Variants in ATP2C1 observed in about 807,000 individuals in gnomAD.
ATP2C1 encodes the protein calcium-transporting ATPase type 2C member 1.
In ATP2C1, 31 loss-of-function variants were observed where a neutral mutation model predicts 120.5. The ratio of observed to expected loss-of-function variants is 0.26; its 90% confidence interval spans 0.19 to 0.35. The LOEUF is 0.35. ATP2C1 is among the 10% of genes least tolerant of loss of function. ATP2C1 has a pLI of 1.00. For synonymous variants in ATP2C1, 351 were observed against 358.7 expected (o/e 0.98, Z 0.24); for missense variants, 731 against 1,107.5 (o/e 0.66, Z 4.83).
intron 8 of ATP2C1, among the ~76,000 whole-genome samples, chr3:130,951,229 A>G (rs1276039099): frequency 1.3e-5 from 2 of 152,102 alleles, no homozygotes; most frequent in African/African-American, 2.4e-5. Flanking sequence ...AAAATTGGGG[A>G]GGAGAAATAA....
At chr3:130,851,184 TCTATCA>T (rs1290045951) in intron 1 of ATP2C1, among the ~76,000 whole-genome samples, 1 of 152,242 alleles carries the variant, frequency 6.6e-6, no homozygotes. Context: ...AAAGAGCTAC[TCTATCA>T]AAGTTAAATT....
At chr3:130,873,430 TATA>T in intron 1 of ATP2C1, among the ~76,000 whole-genome samples, 1 of 152,228 alleles carries the variant, frequency 6.6e-6, no homozygotes, top group Non-Finnish European at 1.5e-5. Flanking sequence ...AATTTAATTA[TATA>T]CAAATATGTA....
chr3:130,934,743 T>A, intron 5 of ATP2C1, 32 bp downstream of exon 5: 1 of 1,397,338 alleles, frequency 7.2e-7, no homozygotes, highest in Non-Finnish European at 1.0e-6. Flanking sequence ...TTTAATCTGT[T>A]GAGTAAGTGT....
chr3:130,988,748 G>A lies in ATP2C1; in HGVS notation c.1840-4203G>A, dbSNP rs117667548. Among the ~76,000 whole-genome samples, 81 of 152,312 alleles carry A rather than the reference G, an allele frequency of 5.3e-4. No homozygotes were observed. The East Asian group carries it at 0.014, about 26-fold the overall frequency. ...AGGCATAAGTAAAAGAACAGTAGAT[G>A]CAGCCAGTTCTAGGCAAGATTAGGC... is the stretch of plus-strand genomic sequence containing the variant. On this transcript the variant is annotated intron_variant, in intron 20 of 27. Transcript: ENST00000510168.
At position 130,965,011 on chromosome 3, in the gene ATP2C1, C is replaced by T; in HGVS notation, c.1088C>T (p.Thr363Ile). 6.2e-7 allele frequency: 1 copy of T among 1,611,810 alleles called. No homozygotes were observed. Among genetic ancestry groups the T allele is most frequent in the Non-Finnish European group, 8.5e-7 (1 of 1,178,448 alleles). ...GTLTKNEMTVTHIFTSDGLHA... is the reference protein window; with the variant it reads ...GTLTKNEMTVIHIFTSDGLHA... ...CTGACGAAGAATGAAATGACTGTTACTCACATATTTACTTCAGATGGTCTG... is the reference window on the plus strand; with the variant it reads ...CTGACGAAGAATGAAATGACTGTTATTCACATATTTACTTCAGATGGTCTG... Residue 363 changes from threonine to isoleucine, a missense_variant, in exon 14 of 28, where the codon ACT (threonine) becomes ATT (isoleucine). By Grantham distance (89) the Thr-to-Ile change is moderately conservative. This residue lies in a region of ATP2C1 where 571 missense variants were observed against 845.9 expected (regional missense o/e 0.67). Coordinates refer to ENST00000510168, the MANE Select transcript of ATP2C1 (RefSeq NM_001378687.1).
At chr3:130,870,415 T>C (rs2068394222) in intron 1 of ATP2C1, among the ~76,000 whole-genome samples, 1 of 152,218 alleles carries the variant, frequency 6.6e-6, no homozygotes, top group South Asian at 2.1e-4. Flanking sequence ...ACTGAAAACT[T>C]TCCAGAGAGG....
At chr3:130,907,470 C>A (rs1398040397) in intron 2 of ATP2C1, among the ~76,000 whole-genome samples, 1 of 152,030 alleles carries the variant, frequency 6.6e-6, no homozygotes, top group East Asian at 1.9e-4. Flanking sequence ...AAGGGCCCAC[C>A]TTCATTCTTT....
intron 20 of ATP2C1, among the ~76,000 whole-genome samples, chr3:130,982,097 C>G (rs75028918): frequency 0.013 from 2,036 of 152,220 alleles, 39 homozygotes; most frequent in African/African-American, 0.046. Context: ...CTGCCTAACC[C>G]AGGTTCACAA....
Position 130,981,787 on chromosome 3 carries a change from G to A in ATP2C1, c.1839+1108G>A, listed in dbSNP as rs528209873. Among the ~76,000 whole-genome samples, 7 of 152,274 alleles carry A rather than the reference G, an allele frequency of 4.6e-5. No homozygotes were observed. In the East Asian group the frequency reaches 1.2e-3, roughly 25 times the overall value. ...AATGGTATCTTACTGTGATTTTAATGTGCGTTTCCCTCACAACTAGTGATG... is the reference window on the plus strand; with the variant it reads ...AATGGTATCTTACTGTGATTTTAATATGCGTTTCCCTCACAACTAGTGATG... On this transcript the variant is annotated intron_variant, in intron 20 of 27. Coordinates refer to ENST00000510168, the MANE Select transcript of ATP2C1 (RefSeq NM_001378687.1).
chr3:130,996,766 ATAT>A lies in ATP2C1; in HGVS notation c.2220_2222del (p.Ile740del). 1 of 1,611,920 alleles carries A rather than the reference ATAT, an allele frequency of 6.2e-7. No homozygotes were observed. On this transcript the variant is annotated inframe_deletion, in exon 24 of 28. Coordinates refer to ENST00000510168, the MANE Select transcript of ATP2C1 (RefSeq NM_001378687.1). ...AATGCCATGCAGATTTTGTGGATCAATATTATTATGGATGGACCCCCAGCTCAG... is the reference window on the plus strand; with the variant it reads ...AATGCCATGCAGATTTTGTGGATCAATATTATGGATGGACCCCCAGCTCAG...
chr3:130,918,914 C>T, intron 2 of ATP2C1: 1 of 327,086 alleles, frequency 3.1e-6, no homozygotes, highest in Non-Finnish European at 5.9e-6. Context: ...ATGGCGTGAA[C>T]CCGGGAGGCG....
At chr3:130,867,446 C>A (rs2068220232) in intron 1 of ATP2C1, among the ~76,000 whole-genome samples, 1 of 151,302 alleles carries the variant, frequency 6.6e-6, no homozygotes, top group Non-Finnish European at 1.5e-5. Context: ...AGTGCCGCCA[C>A]GCCTGACTGG....
At chr3:130,963,270 C>T (rs959855441) in intron 12 of ATP2C1, 5 of 152,032 alleles carry the variant, frequency 3.3e-5, no homozygotes, top group Non-Finnish European at 7.4e-5. Flanking sequence ...TTCATCATGC[C>T]AGAAGAAAAC....
chr3:130,878,053 C>A (rs2068663908), intron 1 of ATP2C1, among the ~76,000 whole-genome samples: 1 of 147,250 alleles, frequency 6.8e-6, no homozygotes, highest in African/African-American at 2.5e-5. Context: ...AAACCAAACA[C>A]TGCATGTTCT....
chr3:130,851,159 T>C (rs545860196), intron 1 of ATP2C1, among the ~76,000 whole-genome samples: 1 of 152,354 alleles, frequency 6.6e-6, no homozygotes, highest in African/African-American at 2.4e-5. Flanking sequence ...TGAAGCCACA[T>C]GCTTTCTTTC....
intron 6 of ATP2C1, among the ~76,000 whole-genome samples, chr3:130,938,153 T>C (rs2059748633): frequency 6.6e-6 from 1 of 152,186 alleles, no homozygotes; most frequent in South Asian, 2.1e-4. Flanking sequence ...GTAGCCCCTT[T>C]TAAAAATTAC....
chr3:130,979,416 A>T lies in ATP2C1; in HGVS notation c.1738A>T (p.Ile580Phe). 1 of 1,613,298 alleles carries T rather than the reference A, an allele frequency of 6.2e-7. No homozygotes were observed. The highest frequency in any genetic ancestry group is 2.2e-5 in the East Asian group (1 of 44,816). Residue 580 changes from isoleucine to phenylalanine, a missense_variant, in exon 19 of 28, where the codon ATC becomes TTC. Coordinates refer to ENST00000510168, the MANE Select transcript of ATP2C1 (RefSeq NM_001378687.1). ...TGDSQETAVA[I>F]ASRLGLYSKT... Reference sequence around the variant, plus strand: ...AGATTCACAGGAGACTGCAGTTGCAATCGGTATAACTAGACTGCTTTCTTT... The same window carrying T: ...AGATTCACAGGAGACTGCAGTTGCATTCGGTATAACTAGACTGCTTTCTTT...
chr3:130,935,340 A>G (rs2059619849), intron 5 of ATP2C1, among the ~76,000 whole-genome samples: 3 of 152,234 alleles, frequency 2.0e-5, no homozygotes, highest in Non-Finnish European at 2.9e-5. Context: ...AATTAAAAAT[A>G]TTCCTTATAG....
chr3:130,909,750 T>A (rs894724003), intron 2 of ATP2C1, among the ~76,000 whole-genome samples: 1 of 152,298 alleles, frequency 6.6e-6, no homozygotes, highest in Middle Eastern at 3.4e-3. Flanking sequence ...CTTTAAATGA[T>A]GTATGAGGTC....
Sources: allele counts gnomAD v4.1 joint callset (sites outside exome capture counted in the v4.1 genomes callset), GRCh38; gene constraint gnomAD v4.1.1; regional missense constraint gnomAD v4.1.1; transcripts MANE v1.5; gene names NCBI Gene and HGNC (gene_info 2026-07-23, HGNC 2026-07-21).